The following MAP4K4 variants were observed in gnomAD, a reference collection of about 807,000 sequenced individuals.
MAP4K4 encodes HPK/GCK-like kinase HGK.
In MAP4K4, 38 loss-of-function variants were observed where a neutral mutation model predicts 189.6. The observed-to-expected ratio is 0.20, with a 90% CI of 0.15 to 0.26. The LOEUF is 0.26. Among genes scored for constraint, MAP4K4 ranks in the 10% least tolerant of loss-of-function variants. The pLI is 1.00. For missense variants in MAP4K4, 1,054 were observed against 1,726.9 expected (o/e 0.61, Z 6.91); for synonymous variants, 610 against 624.3 (o/e 0.98, Z 0.34).
chr2:101,841,790 G>C (rs1411718943), intron 10 of MAP4K4, among the ~76,000 whole-genome samples: 1 of 151,926 alleles, frequency 6.6e-6, no homozygotes, highest in African/African-American at 2.4e-5. Context: ...GTATATCTTT[G>C]AAAAAAATAG....
chr2:101,861,254 G>T, intron 16 of MAP4K4: 1 of 298,586 alleles, frequency 3.3e-6, no homozygotes, highest in East Asian at 6.1e-5. Context: ...CAGGTGTTAA[G>T]TGCCTCCTTT....
chr2:101,866,695 TA>T, intron 19 of MAP4K4, 116 bp downstream of exon 19: 1 of 1,299,392 alleles, frequency 7.7e-7, no homozygotes, highest in Admixed American at 2.4e-5. Flanking sequence ...AACAATGTTT[TA>T]GCATAGGTTG....
At chr2:101,859,424 T>C (rs2097568628) in intron 14 of MAP4K4, among the ~76,000 whole-genome samples, 1 of 152,208 alleles carries the variant, frequency 6.6e-6, no homozygotes, top group Non-Finnish European at 1.5e-5. Flanking sequence ...TCACATTTAA[T>C]TGAATTATCT....
At chr2:101,708,749 C>T (rs1174559853) in intron 2 of MAP4K4, among the ~76,000 whole-genome samples, 1 of 152,210 alleles carries the variant, frequency 6.6e-6, no homozygotes, top group Non-Finnish European at 1.5e-5. Context: ...CAGTTAGATT[C>T]CTCGTAGTGA....
intron 3 of MAP4K4, among the ~76,000 whole-genome samples, chr2:101,795,142 C>G (rs1431627780): frequency 6.6e-6 from 1 of 152,152 alleles, no homozygotes; most frequent in Non-Finnish European, 1.5e-5. Context: ...AGGTGACTGC[C>G]AGCGTTCTCC....
At chr2:101,873,564 A>G (rs1237898549) in intron 24 of MAP4K4, 83 bp from the exon 25 acceptor site, 6 of 747,588 alleles carry the variant, frequency 8.0e-6, no homozygotes, top group Non-Finnish European at 1.4e-5. Context: ...ATAGTGCAAT[A>G]TAGAAGTGAA....
chr2:101,845,735 CTT>C (rs2097087865), intron 12 of MAP4K4, among the ~76,000 whole-genome samples: 1 of 152,136 alleles, frequency 6.6e-6, no homozygotes, highest in African/African-American at 2.4e-5. Flanking sequence ...TCAGAAGAGT[CTT>C]TTGATTTTCT....
At chr2:101,763,583 C>T in intron 2 of MAP4K4, among the ~76,000 whole-genome samples, 1 of 152,194 alleles carries the variant, frequency 6.6e-6, no homozygotes, top group Non-Finnish European at 1.5e-5. Flanking sequence ...GTCCTCCTTG[C>T]ATCTTCTAGC....
intron 2 of MAP4K4, among the ~76,000 whole-genome samples, chr2:101,732,275 G>A (rs913160540): frequency 9.2e-5 from 14 of 152,088 alleles, no homozygotes; most frequent in African/African-American, 3.1e-4. Flanking sequence ...TTATTCCTTT[G>A]AGAACTGATT....
chr2:101,750,948 C>G (rs1213521059), intron 2 of MAP4K4, among the ~76,000 whole-genome samples: 1 of 152,162 alleles, frequency 6.6e-6, no homozygotes, highest in African/African-American at 2.4e-5. Context: ...AAGTCCTCTA[C>G]CTTTTTATCT....
At chr2:101,772,934 T>C (rs2150378366) in intron 2 of MAP4K4, among the ~76,000 whole-genome samples, 1 of 152,334 alleles carries the variant, frequency 6.6e-6, no homozygotes, top group Non-Finnish European at 1.5e-5. Context: ...CTTTTAGGTG[T>C]AACCCTTCCT....
At chr2:101,770,240 A>ATTTTTTT (rs34574782) in intron 2 of MAP4K4, among the ~76,000 whole-genome samples, 20 of 75,186 alleles carry the variant, frequency 2.7e-4, no homozygotes, top group South Asian at 5.4e-4. Context: ...GTTCATTCTG[A>ATTTTTTT]TTTTTTTTTT....
intron 20 of MAP4K4, chr2:101,867,787 T>C: frequency 2.1e-6 from 1 of 484,038 alleles, no homozygotes; most frequent in East Asian, 3.2e-5. Context: ...CCTTCTGCTT[T>C]TTGGTACCTG....
chr2:101,727,607 A>T (rs931408126), intron 2 of MAP4K4, among the ~76,000 whole-genome samples: 1 of 152,256 alleles, frequency 6.6e-6, no homozygotes, highest in Non-Finnish European at 1.5e-5. Context: ...ATATAAAATG[A>T]AAGAGAAATA....
chr2:101,734,289 A>G (rs1008422871), intron 2 of MAP4K4, among the ~76,000 whole-genome samples: 7 of 152,188 alleles, frequency 4.6e-5, no homozygotes, highest in Non-Finnish European at 8.8e-5. Flanking sequence ...ACCTCCCCTC[A>G]TTTTGTCTTT....
intron 2 of MAP4K4, among the ~76,000 whole-genome samples, chr2:101,775,191 T>C (rs2083430009): frequency 6.6e-6 from 1 of 151,876 alleles, no homozygotes; most frequent in South Asian, 2.1e-4. Flanking sequence ...TGGTACAGTT[T>C]AGGAGGATGA....
chr2:101,805,940 G>A (rs1377670942), intron 3 of MAP4K4, among the ~76,000 whole-genome samples: 1 of 152,060 alleles, frequency 6.6e-6, no homozygotes, highest in Non-Finnish European at 1.5e-5. Context: ...TGCTACACTT[G>A]CAGCATGTCC....
intron 2 of MAP4K4, among the ~76,000 whole-genome samples, chr2:101,743,820 G>A (rs1456550392): frequency 6.6e-6 from 1 of 152,042 alleles, no homozygotes; most frequent in Non-Finnish European, 1.5e-5. Flanking sequence ...ACCACACCTG[G>A]CTAATTTTTG....
intron 2 of MAP4K4, among the ~76,000 whole-genome samples, chr2:101,715,483 C>T (rs1301776409): frequency 1.3e-5 from 2 of 152,162 alleles, no homozygotes; most frequent in Admixed American, 1.3e-4. Flanking sequence ...TTAACTAACA[C>T]AGGTAGAATA....
Sources: allele counts gnomAD v4.1 joint callset (sites outside exome capture counted in the v4.1 genomes callset), GRCh38; gene constraint gnomAD v4.1.1; transcripts MANE v1.5; gene names NCBI Gene and HGNC (gene_info 2026-07-23, HGNC 2026-07-21).